The following XKR4 variants were observed in gnomAD, a reference collection of about 807,000 sequenced individuals.
The protein encoded by XKR4 is XK related 4, also known as XK-related protein 4.
In XKR4, 12 loss-of-function variants were observed where a neutral mutation model predicts 53.9. The observed-to-expected ratio is 0.22, with a 90% confidence interval of 0.14 to 0.36. The LOEUF (loss-of-function observed/expected upper bound fraction) is 0.36, where lower values mean the gene tolerates loss of function less well. Among genes scored for constraint, XKR4 ranks in the 10% least tolerant of loss-of-function variants. XKR4 has a pLI of 1.00. For synonymous variants in XKR4, 354 were observed against 362.4 expected (o/e 0.98, Z 0.26); for missense variants, 799 against 859.5 (o/e 0.93, Z 0.88).
chr8:55,452,833 C>A, intron 2 of XKR4: 1 of 770,436 alleles, frequency 1.3e-6, no homozygotes, highest in Non-Finnish European at 2.4e-6. Flanking sequence ...TCCAGGTCAC[C>A]CAGCTCCTGA....
intron 2 of XKR4, among the ~76,000 whole-genome samples, chr8:55,381,327 G>A (rs1306437021): frequency 2.6e-5 from 4 of 152,156 alleles, no homozygotes; most frequent in Non-Finnish European, 1.5e-5. Context: ...AATCAACAAG[G>A]TGTTTAAGTT....
intron 2 of XKR4, among the ~76,000 whole-genome samples, chr8:55,439,011 G>A (rs950449682): frequency 1.3e-5 from 2 of 152,116 alleles, no homozygotes; most frequent in Non-Finnish European, 2.9e-5. Context: ...GTGAGGGGTT[G>A]GAAATGAAGG....
At chr8:55,292,027 C>A (rs942327228) in intron 1 of XKR4, among the ~76,000 whole-genome samples, 2 of 152,098 alleles carry the variant, frequency 1.3e-5, no homozygotes, top group South Asian at 4.1e-4. Flanking sequence ...CTGACATAAA[C>A]CCCATTTGTT....
intron 2 of XKR4, among the ~76,000 whole-genome samples, chr8:55,418,154 G>A (rs1804876241): frequency 6.6e-6 from 1 of 151,994 alleles, no homozygotes; most frequent in Non-Finnish European, 1.5e-5. Context: ...TTAAGGCAAG[G>A]GGGTGAGACT....
intron 2 of XKR4, among the ~76,000 whole-genome samples, chr8:55,522,310 A>G (rs1806809126): frequency 2.0e-5 from 3 of 152,256 alleles, no homozygotes; most frequent in African/African-American, 7.2e-5. Flanking sequence ...TTTCAGCACA[A>G]TCTTTAATCT....
intron 1 of XKR4, among the ~76,000 whole-genome samples, chr8:55,324,979 C>T (rs1392952947): frequency 6.6e-6 from 1 of 150,824 alleles, no homozygotes; most frequent in Non-Finnish European, 1.5e-5. Flanking sequence ...TAATGTATAT[C>T]TAATTCATTC....
chr8:55,385,715 T>A (rs1317605203), intron 2 of XKR4, among the ~76,000 whole-genome samples: 1 of 152,212 alleles, frequency 6.6e-6, no homozygotes, highest in Non-Finnish European at 1.5e-5. Context: ...TTTTAAAAAA[T>A]TGGATCCATC....
chr8:55,407,883 AG>A (rs1381173771), intron 2 of XKR4, among the ~76,000 whole-genome samples: 1 of 152,122 alleles, frequency 6.6e-6, no homozygotes, highest in African/African-American at 2.4e-5. Context: ...CTTTCATGGG[AG>A]ACAAAACATA....
intron 2 of XKR4, among the ~76,000 whole-genome samples, chr8:55,379,799 G>A (rs1347989933): frequency 1.3e-5 from 2 of 152,192 alleles, no homozygotes; most frequent in African/African-American, 4.8e-5. Flanking sequence ...TGGGTCCTGG[G>A]GCAGAGGCCC....
chr8:55,141,671 C>CTGTG (rs370296200), intron 1 of XKR4, among the ~76,000 whole-genome samples: 16 of 135,298 alleles, frequency 1.2e-4, no homozygotes, highest in African/African-American at 3.7e-4. Flanking sequence ...CTCTCTCTCT[C>CTGTG]TGTGTGTGTG....
chr8:55,298,868 A>G (rs563467708), intron 1 of XKR4, among the ~76,000 whole-genome samples: 25 of 152,346 alleles, frequency 1.6e-4, no homozygotes, highest in African/African-American at 5.8e-4. Context: ...TGAATACACC[A>G]TGCCCATTTA....
intron 2 of XKR4, among the ~76,000 whole-genome samples, chr8:55,503,922 A>G (rs1333189842): frequency 6.6e-6 from 1 of 151,908 alleles, no homozygotes; most frequent in Non-Finnish European, 1.5e-5. Context: ...ATAGTGTTAA[A>G]TTTTGTCAAA....
Position 55,168,977 on chromosome 8 carries a change from T to C in XKR4, c.806+65683T>C, listed in dbSNP as rs9886435. On this transcript the variant is annotated intron_variant, in intron 1 of 2. Transcript: ENST00000327381. ...CACTTCACATTTGATAGATCACGTC[T>C]TGATGAACATTTCAGAAATTGATAG... Among the ~76,000 whole-genome samples, 1,073 of 152,340 alleles carry C rather than the reference T, an allele frequency of 7.0e-3. 18 individuals are homozygous for C. The highest frequency in any genetic ancestry group is 0.025 in the African/African-American group (1,023 of 41,564).
At chr8:55,465,944 C>T (rs1409431985) in intron 2 of XKR4, among the ~76,000 whole-genome samples, 3 of 152,110 alleles carry the variant, frequency 2.0e-5, no homozygotes. Context: ...GAGATACCAT[C>T]TCACACCAGT....
At chr8:55,503,345 C>A (rs1806473717) in intron 2 of XKR4, among the ~76,000 whole-genome samples, 1 of 152,040 alleles carries the variant, frequency 6.6e-6, no homozygotes, top group South Asian at 2.1e-4. Context: ...TTATTTATGG[C>A]TTCTTTCATT....
intron 1 of XKR4, among the ~76,000 whole-genome samples, chr8:55,151,148 T>TTGC (rs1563469249): frequency 6.6e-6 from 1 of 152,142 alleles, no homozygotes; most frequent in East Asian, 1.9e-4. Flanking sequence ...CCCCAAATCA[T>TTGC]CTCCAGACAG....
intron 2 of XKR4, among the ~76,000 whole-genome samples, chr8:55,457,302 C>A (rs1805585842): frequency 1.3e-5 from 2 of 152,022 alleles, no homozygotes. Flanking sequence ...ACCACCACGC[C>A]CAGCTAATTT....
intron 1 of XKR4, among the ~76,000 whole-genome samples, chr8:55,302,483 T>C: frequency 6.6e-6 from 1 of 152,254 alleles, no homozygotes; most frequent in South Asian, 2.1e-4. Context: ...ATGTGGGCTC[T>C]TTTTTGATTC....
chr8:55,541,578 C>G lies in XKR4; in HGVS notation c.*17351C>G, dbSNP rs1807101424. On this transcript the variant is annotated 3_prime_UTR_variant, in exon 3 of 3. Transcript: ENST00000327381. The stretch of plus-strand genomic sequence containing the variant: ...CCATTACAGAATAAGGTCCGAGAGA[C>G]CCCACGAGTGTGCGTAGGGAACGGT... 1 of 152,136 alleles carries G rather than the reference C, an allele frequency of 6.6e-6. No homozygotes were observed. The highest frequency in any genetic ancestry group is 1.5e-5 in the Non-Finnish European group (1 of 68,044). The allele number at this position is 152,136 out of a possible 1,614,324, so 9.4% of individuals were successfully genotyped here.
Sources: gnomAD v4.1 joint callset for allele counts (sites outside exome capture counted in the v4.1 genomes callset) on GRCh38, gnomAD v4.1.1 for gene constraint, MANE v1.5 for transcripts, NCBI Gene and HGNC (gene_info 2026-07-23, HGNC 2026-07-21) for gene names.